NALCN: variants seen among roughly 807,000 people sequenced by gnomAD.
NALCN encodes sodium leak channel, non-selective, also known as sodium leak channel NALCN.
A neutral mutation model predicts 225.3 loss-of-function variants in NALCN; 111 were observed. That is an observed-to-expected ratio of 0.49 (90% CI 0.42 to 0.58). The LOEUF is 0.58. NALCN is among the 20% of genes least tolerant of loss of function. NALCN has a pLI of 0.00. For synonymous variants in NALCN, 764 were observed against 769.0 expected (o/e 0.99, Z 0.11); for missense variants, 1,378 against 2,202.4 (o/e 0.63, Z 7.49).
In NALCN at chr13:101,369,827, C is replaced by T. The variant is rs554590538; in HGVS notation, c.644+6873G>A. On this transcript the variant is annotated intron_variant, in intron 6 of 43. Coordinates refer to ENST00000251127, the MANE Select transcript of NALCN (RefSeq NM_052867.4). ...AATCCAACTACCTACAGATTTTCTT[C>T]CATGCATTTGTCTCTTCCCTCACCC... Among the ~76,000 whole-genome samples, 8 of 152,320 alleles carry T rather than the reference C, an allele frequency of 5.3e-5. No homozygotes were observed. The South Asian group carries it at 1.7e-3, about 32-fold the overall frequency.
chr13:101,065,133 C>T (rs1473013749), intron 40 of NALCN, among the ~76,000 whole-genome samples: 2 of 152,206 alleles, frequency 1.3e-5, no homozygotes, highest in Non-Finnish European at 2.9e-5. Context: ...CACCTCTCCC[C>T]TCGGGGTGCA....
intron 16 of NALCN, 115 bp from the exon 17 acceptor site, chr13:101,143,336 G>A: frequency 9.4e-7 from 1 of 1,069,364 alleles, no homozygotes; most frequent in Non-Finnish European, 1.3e-6. Flanking sequence ...AAAGATCATA[G>A]AAAACTAGAT....
intron 39 of NALCN, 136 bp downstream of exon 39, chr13:101,067,782 A>C: frequency 1.5e-6 from 1 of 686,712 alleles, no homozygotes; most frequent in Non-Finnish European, 2.6e-6. Flanking sequence ...GCTGAACTGT[A>C]AATGATGGCT....
chr13:101,349,792 T>C (rs984627727), intron 6 of NALCN, among the ~76,000 whole-genome samples: 1 of 152,102 alleles, frequency 6.6e-6, no homozygotes, highest in Non-Finnish European at 1.5e-5. Context: ...CGTTGTAGAG[T>C]CTTAGAGCTA....
At chr13:101,371,420 G>T (rs566156130) in intron 6 of NALCN, among the ~76,000 whole-genome samples, 34 of 152,272 alleles carry the variant, frequency 2.2e-4, no homozygotes, top group African/African-American at 7.7e-4. Flanking sequence ...CTGGGCTCAA[G>T]TGATCATCCC....
intron 15 of NALCN, among the ~76,000 whole-genome samples, chr13:101,157,464 T>G (rs999861129): frequency 6.6e-6 from 1 of 152,142 alleles, no homozygotes; most frequent in African/African-American, 2.4e-5. Context: ...CACCTCTCAC[T>G]GTGCCTGGGG....
rs2031063521 is a variant in NALCN at position 101,055,234 on chromosome 13, A to G, written c.*61T>C. ...TCAATTACAGATTGCTCACTGGACA[A>G]TCAAGGACATTATTAGAAAACGGTT... On this transcript the variant is annotated 3_prime_UTR_variant, in exon 44 of 44. Coordinates refer to ENST00000251127, the MANE Select transcript of NALCN (RefSeq NM_052867.4). The G allele has an allele frequency of 2.2e-6, 3 of 1,353,160 alleles. No homozygotes were observed. Among genetic ancestry groups the G allele is most frequent in the Non-Finnish European group, 3.1e-6 (3 of 961,864 alleles). 83.8% of individuals were successfully genotyped at this position (1,353,160 alleles called of 1,614,324 possible).
chr13:101,083,891 A>G (rs2033795765), intron 30 of NALCN, 87 bp from the exon 31 acceptor site: 1 of 1,258,708 alleles, frequency 7.9e-7, no homozygotes, highest in South Asian at 1.3e-5. Flanking sequence ...GACAAACAGG[A>G]CTGATGTGAG....
At chr13:101,057,908 G>A (rs374871549) in intron 43 of NALCN, 31 bp downstream of exon 43, 13 of 1,544,248 alleles carry the variant, frequency 8.4e-6, no homozygotes, top group East Asian at 6.7e-5. Flanking sequence ...AAAATGCCTC[G>A]ATCGCTGGAG....
At position 101,104,421 on chromosome 13, in the gene NALCN, A is replaced by G; in HGVS notation, c.2763T>C (p.Ala921=). Residue 921 remains alanine, a synonymous_variant, in exon 25 of 44, where the codon GCT becomes GCC. Coordinates refer to ENST00000251127, the MANE Select transcript of NALCN (RefSeq NM_052867.4). The surrounding 1 kb of genome is among the most constrained non-coding windows in gnomAD (Gnocchi z 4.2). ...TCATGAATATCACAAACACATACTC[A>G]GCAATCTGAAACGGGCAAAAGGCAG... ...RVMHAPTLQI[A]EYVFVIFMSI... The G allele has an allele frequency of 6.2e-7, 1 of 1,613,152 alleles. No individual in the cohort carries two copies. The highest frequency in any genetic ancestry group is 1.1e-5 in the South Asian group (1 of 90,936).
rs190413558 is a variant in NALCN, at chr13:101,096,921, A to T, written c.3163-1241T>A. Among the ~76,000 whole-genome samples the T allele has an allele frequency of 1.8e-4, 27 of 152,172 alleles. No homozygotes were observed. The East Asian group carries it at 5.2e-3, about 29-fold the overall frequency. On this transcript the variant is annotated intron_variant, in intron 27 of 43. Coordinates refer to ENST00000251127, the MANE Select transcript of NALCN (RefSeq NM_052867.4). ...TCACTGTTTGAATATTTCAACAAAAATTCCATTTTAATCTGCTTCACGTCC... is the reference window on the plus strand; with the variant it reads ...TCACTGTTTGAATATTTCAACAAAATTTCCATTTTAATCTGCTTCACGTCC...
intron 34 of NALCN, among the ~76,000 whole-genome samples, chr13:101,081,226 G>C (rs1222035127): frequency 6.6e-6 from 1 of 152,132 alleles, no homozygotes; most frequent in African/African-American, 2.4e-5. Flanking sequence ...TCTCTTTCTT[G>C]TTTTCCCCTT....
At chr13:101,206,556 T>C (rs2040318502) in intron 13 of NALCN, among the ~76,000 whole-genome samples, 1 of 150,800 alleles carries the variant, frequency 6.6e-6, no homozygotes, top group South Asian at 2.1e-4. Flanking sequence ...GTTCATGTAC[T>C]TGCCATTTAA....
At chr13:101,189,135 C>G (rs781668815) in intron 14 of NALCN, among the ~76,000 whole-genome samples, 16 of 152,070 alleles carry the variant, frequency 1.1e-4, no homozygotes, top group Non-Finnish European at 1.8e-4. Flanking sequence ...TTGTTTTTCT[C>G]TTTAGTGTTA....
chr13:101,289,775 T>G (rs2043483002), intron 9 of NALCN, among the ~76,000 whole-genome samples: 1 of 152,238 alleles, frequency 6.6e-6, no homozygotes, highest in Non-Finnish European at 1.5e-5. Context: ...TAGTAACTTG[T>G]GATCTAGTGT....
chr13:101,194,414 T>C (rs1235683729), intron 13 of NALCN, among the ~76,000 whole-genome samples: 1 of 152,302 alleles, frequency 6.6e-6, no homozygotes, highest in East Asian at 1.9e-4. Context: ...AATACTTCTA[T>C]TAGAGGCTGA....
intron 13 of NALCN, among the ~76,000 whole-genome samples, chr13:101,219,802 T>C (rs535651181): frequency 6.6e-6 from 1 of 152,274 alleles, no homozygotes; most frequent in South Asian, 2.1e-4. Context: ...TAATGGATAA[T>C]AGTTGGTAGG....
intron 6 of NALCN, among the ~76,000 whole-genome samples, chr13:101,354,353 G>C (rs1329094967): frequency 6.6e-6 from 1 of 152,064 alleles, no homozygotes; most frequent in East Asian, 1.9e-4. Flanking sequence ...AAAAAGAAAA[G>C]AAAAGAAAAG....
At chr13:101,162,337 G>T (rs609772) in intron 15 of NALCN, among the ~76,000 whole-genome samples, 64,383 of 151,990 alleles carry the variant, frequency 0.42, 13,794 homozygotes, top group African/African-American at 0.5. Context: ...ACATGGTAGG[G>T]ACTCAAATAT....
Sources: allele counts gnomAD v4.1 joint callset (sites outside exome capture counted in the v4.1 genomes callset), GRCh38; gene constraint gnomAD v4.1.1; non-coding constraint Gnocchi (gnomAD v3.1); transcripts MANE v1.5; gene names NCBI Gene and HGNC (gene_info 2026-07-23, HGNC 2026-07-21).